The following SLC35F4 variants were observed in gnomAD, a reference collection of about 807,000 sequenced individuals.
The protein encoded by SLC35F4 is chromosome 14 open reading frame 36.
SLC35F4 carries 24 observed loss-of-function variants against 44.2 expected under a neutral mutation model. That is an observed-to-expected ratio of 0.54 (90% confidence interval 0.39 to 0.76). The LOEUF (loss-of-function observed/expected upper bound fraction) is 0.76, where lower values mean the gene tolerates loss of function less well. SLC35F4 is among the 30% of genes least tolerant of loss of function. SLC35F4 has a pLI of 0.00. For synonymous variants in SLC35F4, 238 were observed against 223.6 expected (o/e 1.06, Z -0.57); for missense variants, 562 against 586.1 (o/e 0.96, Z 0.42).
chr14:57,890,656 C>A (rs1888742275), intron 1 of SLC35F4, among the ~76,000 whole-genome samples: 1 of 152,068 alleles, frequency 6.6e-6, no homozygotes, highest in Admixed American at 6.6e-5. Context: ...ATGTTCTCAC[C>A]ATTGTATGTC....
intron 1 of SLC35F4, among the ~76,000 whole-genome samples, chr14:57,826,563 G>C (rs1472456848): frequency 6.6e-6 from 1 of 151,830 alleles, no homozygotes; most frequent in Non-Finnish European, 1.5e-5. Context: ...TATCATCAGA[G>C]TAAACAGACA....
At chr14:57,949,543 T>G (rs1171227123) in intron 1 of SLC35F4, among the ~76,000 whole-genome samples, 1 of 152,190 alleles carries the variant, frequency 6.6e-6, no homozygotes, top group Non-Finnish European at 1.5e-5. Context: ...TATTGAGATG[T>G]GAGGTACTGT....
upstream of SLC35F4, among the ~76,000 whole-genome samples, chr14:57,870,144 G>A (rs1888265141): frequency 6.8e-6 from 1 of 147,888 alleles, no homozygotes; most frequent in Admixed American, 6.6e-5. Flanking sequence ...GTGTGTGTGT[G>A]TGTGTGTGTG....
chr14:57,793,123 C>A (rs894641346), intron 1 of SLC35F4, among the ~76,000 whole-genome samples: 67 of 152,172 alleles, frequency 4.4e-4, no homozygotes, highest in African/African-American at 1.5e-3. Flanking sequence ...ACAAAACTTA[C>A]CAAATCCTGA....
chr14:57,829,212 C>A (rs62004974), intron 1 of SLC35F4, among the ~76,000 whole-genome samples: 2 of 152,138 alleles, frequency 1.3e-5, no homozygotes, highest in Admixed American at 1.3e-4. Flanking sequence ...GAAAATTAAA[C>A]CAGATCTTGA....
chr14:57,791,785 TA>T (rs963899311), intron 1 of SLC35F4, among the ~76,000 whole-genome samples: 2 of 151,990 alleles, frequency 1.3e-5, no homozygotes, highest in African/African-American at 4.8e-5. Context: ...TATGCAGCTA[TA>T]AAAAAAGATG....
intron 1 of SLC35F4, among the ~76,000 whole-genome samples, chr14:57,636,772 G>A (rs757906072): frequency 6.6e-6 from 1 of 151,948 alleles, no homozygotes; most frequent in African/African-American, 2.4e-5. Context: ...ATTATTTGCT[G>A]TTCATTTGAT....
chr14:57,688,493 T>C (rs1418643961), intron 1 of SLC35F4, among the ~76,000 whole-genome samples: 2 of 152,186 alleles, frequency 1.3e-5, no homozygotes, highest in Non-Finnish European at 2.9e-5. Flanking sequence ...GTTCTTTATA[T>C]TGCTTACTCA....
chr14:57,902,963 C>T (rs1454936606), intron 1 of SLC35F4, among the ~76,000 whole-genome samples: 1 of 152,180 alleles, frequency 6.6e-6, no homozygotes, highest in Non-Finnish European at 1.5e-5. Context: ...CGTTTTTCTA[C>T]CTCCTCACCC....
At chr14:57,658,897 G>C (rs1230268584) in intron 1 of SLC35F4, among the ~76,000 whole-genome samples, 5 of 152,092 alleles carry the variant, frequency 3.3e-5, no homozygotes, top group Admixed American at 3.3e-4. Context: ...GAACAATTTA[G>C]GATTATAGAT....
chr14:57,581,432 C>T lies in SLC35F4; in HGVS notation c.589G>A (p.Glu197Lys), dbSNP rs1174171867. The T allele has an allele frequency of 2.5e-6, 4 of 1,605,544 alleles. No individual in the cohort carries two copies. The highest frequency in any genetic ancestry group is 3.4e-6 in the Non-Finnish European group (4 of 1,175,862). The part of the protein sequence containing the change: ...EKQSPMKKFR[E>K]CSRIFGEDGL... ...TCTTCACCAAAAATCCGACTGCATT[C>T]CCTAGGAAAGAAAAGAGAAGTTAAT... is the stretch of plus-strand genomic sequence containing the variant. The change falls in exon 4 of 8, where the codon GAA becomes AAA. Residue 197 changes from glutamate to lysine, a missense_variant and splice_region_variant. Physicochemically the swap from Glu to Lys is moderately conservative, Grantham distance 56 (BLOSUM62 1). Transcript: ENST00000556826.
intron 1 of SLC35F4, among the ~76,000 whole-genome samples, chr14:57,598,323 C>T (rs1002946496): frequency 6.6e-6 from 1 of 152,094 alleles, no homozygotes; most frequent in Non-Finnish European, 1.5e-5. Flanking sequence ...AATATTACAC[C>T]GATGCTTGTC....
intron 1 of SLC35F4, among the ~76,000 whole-genome samples, chr14:57,798,892 A>C (rs958220930): frequency 2.6e-5 from 4 of 152,350 alleles, no homozygotes; most frequent in Middle Eastern, 3.4e-3. Flanking sequence ...AATGAAGCAG[A>C]GAAGATAAGC....
chr14:57,701,744 AAG>A (rs1248213466), intron 1 of SLC35F4, among the ~76,000 whole-genome samples: 1 of 152,214 alleles, frequency 6.6e-6, no homozygotes, highest in African/African-American at 2.4e-5. Context: ...TAGGCACAAT[AAG>A]AGATTAACAA....
At chr14:57,684,922 G>T (rs1003222979) in intron 1 of SLC35F4, among the ~76,000 whole-genome samples, 5 of 152,128 alleles carry the variant, frequency 3.3e-5, no homozygotes, top group Non-Finnish European at 7.3e-5. Context: ...GCCTGGGAGG[G>T]TTTAGCTCCA....
intron 1 of SLC35F4, among the ~76,000 whole-genome samples, chr14:57,892,902 G>C (rs1269368951): frequency 6.6e-6 from 1 of 152,134 alleles, no homozygotes; most frequent in Non-Finnish European, 1.5e-5. Context: ...GGACAAATAT[G>C]GCTTTCTAAA....
chr14:57,846,499 A>G (rs1011352034), intron 1 of SLC35F4, among the ~76,000 whole-genome samples: 1 of 152,194 alleles, frequency 6.6e-6, no homozygotes, highest in African/African-American at 2.4e-5. Context: ...TCACAGGACA[A>G]TTTTCATTGC....
intron 1 of SLC35F4, among the ~76,000 whole-genome samples, chr14:57,958,844 T>G (rs1594653885): frequency 1.3e-5 from 2 of 152,344 alleles, no homozygotes; most frequent in Admixed American, 1.3e-4. Flanking sequence ...GCCACTCTAC[T>G]CACAGCAGGT....
At chr14:57,730,087 C>T (rs2076307359) in intron 1 of SLC35F4, among the ~76,000 whole-genome samples, 3 of 152,168 alleles carry the variant, frequency 2.0e-5, no homozygotes, top group South Asian at 2.1e-4. Context: ...TGCTGGGGTA[C>T]GGGGAAGGGG....
Sources: allele counts gnomAD v4.1 joint callset (sites outside exome capture counted in the v4.1 genomes callset), GRCh38; gene constraint gnomAD v4.1.1; transcripts MANE v1.5; gene names NCBI Gene and HGNC (gene_info 2026-07-23, HGNC 2026-07-21).